The following SLC35F1 variants were observed in gnomAD, a reference collection of about 807,000 sequenced individuals.
The protein encoded by SLC35F1 is solute carrier family 35 member F1.
A neutral mutation model predicts 48.7 loss-of-function variants in SLC35F1; 14 were observed. The observed-to-expected ratio is 0.29, with a 90% CI of 0.19 to 0.45. The LOEUF (loss-of-function observed/expected upper bound fraction) is 0.45. Ranked by LOEUF, SLC35F1 falls within the 20% of genes least tolerant of loss-of-function variation. SLC35F1 has a pLI of 1.00. For missense variants in SLC35F1, 404 were observed against 500.0 expected (o/e 0.81, Z 1.83); for synonymous variants, 190 against 202.2 (o/e 0.94, Z 0.51).
intron 1 of SLC35F1, among the ~76,000 whole-genome samples, chr6:117,930,121 A>G (rs536914049): frequency 3.9e-5 from 6 of 152,284 alleles, no homozygotes; most frequent in African/African-American, 1.4e-4. Context: ...TAGAGCAGAT[A>G]TTAGTTGGTA....
At chr6:118,245,981 A>T (rs954280930) in intron 3 of SLC35F1, among the ~76,000 whole-genome samples, 2 of 152,136 alleles carry the variant, frequency 1.3e-5, no homozygotes, top group African/African-American at 4.8e-5. Context: ...CAATCAGTGG[A>T]TGAGAGGGAG....
chr6:118,132,321 A>G (rs961097635), intron 1 of SLC35F1, among the ~76,000 whole-genome samples: 1 of 152,084 alleles, frequency 6.6e-6, no homozygotes, highest in African/African-American at 2.4e-5. Flanking sequence ...TGTTTGGCAC[A>G]CTCGTGTGCC....
chr6:118,091,678 G>A lies in SLC35F1; in HGVS notation c.174-62767G>A, dbSNP rs546616031. ...CTGCTGTAAAGATACCTGAAAATGT[G>A]GAAGAAACTTTGGAACTTTGTAACA... On this transcript the variant is annotated intron_variant, in intron 1 of 7. Coordinates refer to ENST00000360388, the MANE Select transcript of SLC35F1 (RefSeq NM_001029858.4). Among the ~76,000 whole-genome samples the A allele has an allele frequency of 2.6e-4, 39 of 152,310 alleles. 1 individual carries two copies. The South Asian group carries it at 7.7e-3, about 30-fold the overall frequency.
At chr6:118,170,265 T>G (rs978621265) in intron 2 of SLC35F1, among the ~76,000 whole-genome samples, 1 of 152,196 alleles carries the variant, frequency 6.6e-6, no homozygotes, top group Non-Finnish European at 1.5e-5. Context: ...ATAAAAATCT[T>G]TGAATCAAAT....
intron 1 of SLC35F1, among the ~76,000 whole-genome samples, chr6:117,912,944 C>A (rs1381919416): frequency 2.6e-5 from 4 of 152,176 alleles, no homozygotes; most frequent in African/African-American, 4.8e-5. Flanking sequence ...GGCATCTTAA[C>A]TGATGTCTGT....
In SLC35F1 at chr6:118,001,791, G is replaced by C. The variant is rs192964221; in HGVS notation, c.173+93892G>C. The stretch of plus-strand genomic sequence containing the variant: ...CAACCCCATCAAAAAGTGGGCGAAG[G>C]ATATGAACAGACGCTTCTCAAAAGA... On this transcript the variant is annotated intron_variant, in intron 1 of 7. Coordinates refer to ENST00000360388, the MANE Select transcript of SLC35F1 (RefSeq NM_001029858.4). Among the ~76,000 whole-genome samples the C allele has an allele frequency of 8.4e-3, 1,278 of 152,058 alleles. 23 individuals carry two copies. The highest frequency in any genetic ancestry group is 0.029 in the African/African-American group (1,215 of 41,496).
intron 3 of SLC35F1, among the ~76,000 whole-genome samples, chr6:118,240,351 G>A (rs922483254): frequency 6.6e-6 from 1 of 152,238 alleles, no homozygotes; most frequent in African/African-American, 2.4e-5. Context: ...AGGATAAAAT[G>A]TGGGTATAAC....
chr6:118,212,509 G>A (rs912146046), intron 2 of SLC35F1, among the ~76,000 whole-genome samples: 1 of 152,008 alleles, frequency 6.6e-6, no homozygotes, highest in Non-Finnish European at 1.5e-5. Context: ...GGCCAACATG[G>A]TGAAACCACA....
At chr6:118,003,866 C>T (rs1777139968) in intron 1 of SLC35F1, among the ~76,000 whole-genome samples, 1 of 152,146 alleles carries the variant, frequency 6.6e-6, no homozygotes, top group Non-Finnish European at 1.5e-5. Context: ...AGCAGAGTTA[C>T]TGCTCACATG....
At chr6:117,949,219 G>A (rs1776332305) in intron 1 of SLC35F1, among the ~76,000 whole-genome samples, 2 of 152,176 alleles carry the variant, frequency 1.3e-5, no homozygotes, top group Admixed American at 6.5e-5. Context: ...AAACCTGGAA[G>A]TTAGTAAGAA....
chr6:117,988,138 C>T (rs190375578), intron 1 of SLC35F1, among the ~76,000 whole-genome samples: 1 of 152,136 alleles, frequency 6.6e-6, no homozygotes, highest in South Asian at 2.1e-4. Flanking sequence ...TGGGCTCCAT[C>T]GTTACTGAGT....
chr6:118,138,971 A>AACACACACACACACAC (rs58109876), intron 1 of SLC35F1, among the ~76,000 whole-genome samples: 10 of 149,986 alleles, frequency 6.7e-5, no homozygotes, highest in Admixed American at 2.0e-4. Context: ...TTTCAGCAGA[A>AACACACACACACACAC]ACACACACAC....
At chr6:118,015,818 C>T (rs1582620349) in intron 1 of SLC35F1, among the ~76,000 whole-genome samples, 1 of 152,122 alleles carries the variant, frequency 6.6e-6, no homozygotes, top group African/African-American at 2.4e-5. Flanking sequence ...TTACCCCATG[C>T]CACACTTCTT....
intron 2 of SLC35F1, among the ~76,000 whole-genome samples, chr6:118,158,028 GC>G (rs1774171402): frequency 6.6e-6 from 1 of 152,150 alleles, no homozygotes; most frequent in Non-Finnish European, 1.5e-5. Flanking sequence ...GAATTTGGAG[GC>G]TCTTTAGAAA....
chr6:118,093,550 G>A (rs572839533), intron 1 of SLC35F1, among the ~76,000 whole-genome samples: 4 of 152,270 alleles, frequency 2.6e-5, no homozygotes, highest in South Asian at 2.1e-4. Flanking sequence ...GGGAACTTCC[G>A]CTACACAAGC....
chr6:118,159,478 G>A (rs1384725600), intron 2 of SLC35F1, among the ~76,000 whole-genome samples: 1 of 152,132 alleles, frequency 6.6e-6, no homozygotes, highest in Non-Finnish European at 1.5e-5. Context: ...AAGTGACTAA[G>A]GAATGTGACT....
chr6:117,934,248 A>T (rs1776137433), intron 1 of SLC35F1, among the ~76,000 whole-genome samples: 1 of 152,210 alleles, frequency 6.6e-6, no homozygotes, highest in Admixed American at 6.5e-5. Flanking sequence ...GGTGCAGTTC[A>T]GCGTGGCTGA....
Position 118,272,918 on chromosome 6 carries a change from T to C in SLC35F1, c.638-2541T>C, listed in dbSNP as rs977102247. On this transcript the variant is annotated intron_variant, in intron 4 of 7. Transcript: ENST00000360388. ...CTACACTTTTTATTATATCAAACAC[T>C]TCATTATATAATATAATTGGATAAA... 9.3e-5 allele frequency among the ~76,000 whole-genome samples: 14 copies of C among 151,118 alleles called. No individual in the cohort carries two copies. In the East Asian group the frequency reaches 2.7e-3, roughly 29 times the overall value.
At chr6:118,094,190 CT>C (rs1284756145) in intron 1 of SLC35F1, among the ~76,000 whole-genome samples, 2 of 152,022 alleles carry the variant, frequency 1.3e-5, no homozygotes, top group Non-Finnish European at 2.9e-5. Flanking sequence ...GAGCAAAGTC[CT>C]TGAGTAAATG....
Sources: allele counts gnomAD v4.1 joint callset (sites outside exome capture counted in the v4.1 genomes callset), GRCh38; gene constraint gnomAD v4.1.1; transcripts MANE v1.5; gene names NCBI Gene and HGNC (gene_info 2026-07-23, HGNC 2026-07-21).